Variants in RANGAP1 observed in about 807,000 individuals in gnomAD.
The protein encoded by RANGAP1 is Ran GTPase activating protein 1, also known as ran GTPase-activating protein 1.
RANGAP1 carries 38 observed loss-of-function variants against 63.5 expected under a neutral mutation model. The ratio of observed to expected loss-of-function variants is 0.60; its 90% CI spans 0.46 to 0.78. RANGAP1 has a LOEUF of 0.78. Among genes scored for constraint, RANGAP1 ranks in the 30% least tolerant of loss-of-function variants. The pLI is 0.00. For synonymous variants in RANGAP1, 329 were observed against 310.5 expected (o/e 1.06, Z -0.63); for missense variants, 630 against 740.3 (o/e 0.85, Z 1.73).
chr22:41,264,670 G>C lies in RANGAP1; in HGVS notation c.474C>G (p.Gly158=). ...AGGGGGCTGCCACACCCACCTTGCC[G>C]CCGCCAATGCCCATGCCACAGTTGT... ...KLNNCGMGIG[G]GKILAAALTE... The change falls in exon 5 of 16, where the codon GGC becomes GGG. Residue 158 remains glycine (G), a synonymous_variant. Coordinates refer to ENST00000356244, the MANE Select transcript of RANGAP1 (RefSeq NM_002883.4). 2 of 1,609,952 alleles carry C rather than the reference G, an allele frequency of 1.2e-6. No individual in the cohort carries two copies. The highest frequency in any genetic ancestry group is 1.7e-6 in the Non-Finnish European group (2 of 1,176,740).
rs143342981 is a variant in RANGAP1, at chr22:41,254,314, G to A, written c.1254C>T (p.Asn418=). ...ATPSRKILDP[N]TGEPAPVLSS... ...GCAGATGATAGAAACTCACCCCAGT[G>A]TTAGGGTCCAGAATCTTCCGTGAGG... is the stretch of plus-strand genomic sequence containing the variant. Residue 418 remains asparagine, a synonymous_variant, in exon 11 of 16, where the codon AAC becomes AAT. Coordinates refer to ENST00000356244, the MANE Select transcript of RANGAP1 (RefSeq NM_002883.4). 1.9e-6 allele frequency: 3 copies of A among 1,614,024 alleles called. No homozygotes were observed. The highest frequency in any genetic ancestry group is 2.7e-5 in the African/African-American group (2 of 74,900).
At chr22:41,294,962 C>T in the RANGAP1 span, among the ~76,000 whole-genome samples, 11 of 123,536 alleles carry the variant, frequency 8.9e-5, no homozygotes, top group African/African-American at 3.0e-4. Context: ...CCAGCCGCCC[C>T]ATCTGGGAGG....
chr22:41,260,674 C>T (rs1357826108), intron 6 of RANGAP1, among the ~76,000 whole-genome samples: 1 of 152,282 alleles, frequency 6.6e-6, no homozygotes, highest in South Asian at 2.1e-4. Flanking sequence ...TGGTAAAACC[C>T]CGTCTCTAAT....
At chr22:41,294,638 G>A in the RANGAP1 span, among the ~76,000 whole-genome samples, 3 of 144,232 alleles carry the variant, frequency 2.1e-5, no homozygotes, top group Non-Finnish European at 4.6e-5. Context: ...ATCCCATCTG[G>A]GAAGTGAGGA....
intron 1 of RANGAP1, among the ~76,000 whole-genome samples, chr22:41,284,400 T>C (rs1319962733): frequency 6.6e-6 from 1 of 151,450 alleles, no homozygotes; most frequent in Non-Finnish European, 1.5e-5. Context: ...AAACCCTGTC[T>C]CTACCAAAAA....
At chr22:41,266,503 G>T (rs2034484621) in intron 4 of RANGAP1, among the ~76,000 whole-genome samples, 1 of 152,204 alleles carries the variant, frequency 6.6e-6, no homozygotes, top group South Asian at 2.1e-4. Flanking sequence ...GTATGCAAAA[G>T]AGAGTTCTCT....
intron 6 of RANGAP1, among the ~76,000 whole-genome samples, chr22:41,260,007 A>G (rs2034071246): frequency 7.5e-6 from 1 of 132,484 alleles, no homozygotes; most frequent in Admixed American, 7.1e-5. Flanking sequence ...CCCTGCCTCA[A>G]TAAAATTTTT....
At chr22:41,266,619 C>T (rs1173211037) in intron 4 of RANGAP1, among the ~76,000 whole-genome samples, 2 of 152,212 alleles carry the variant, frequency 1.3e-5, no homozygotes, top group Non-Finnish European at 2.9e-5. Context: ...CTGCAACCTT[C>T]ACCTCCCAGG....
At chr22:41,265,460 T>A (rs2034412258) in intron 4 of RANGAP1, among the ~76,000 whole-genome samples, 1 of 152,028 alleles carries the variant, frequency 6.6e-6, no homozygotes, top group Non-Finnish European at 1.5e-5. Flanking sequence ...TGCCAGCCGG[T>A]GTGACAAGTG....
the RANGAP1 span, among the ~76,000 whole-genome samples, chr22:41,294,176 C>T: frequency 6.6e-6 from 1 of 152,216 alleles, no homozygotes; most frequent in East Asian, 1.9e-4. Context: ...CTCAGCCTGC[C>T]GAGTGCCTGC....
upstream of RANGAP1, among the ~76,000 whole-genome samples, chr22:41,286,581 T>C (rs1029586469): frequency 5.3e-5 from 8 of 152,238 alleles, no homozygotes; most frequent in African/African-American, 1.7e-4. Context: ...CTGGGTCTCT[T>C]GGGCAAGACA....
chr22:41,252,495 C>T (rs1236349365), intron 12 of RANGAP1, among the ~76,000 whole-genome samples: 1 of 152,050 alleles, frequency 6.6e-6, no homozygotes, highest in Non-Finnish European at 1.5e-5. Flanking sequence ...ACCCATCCTG[C>T]AATAGGCACG....
At chr22:41,293,558 T>A in the RANGAP1 span, among the ~76,000 whole-genome samples, 1 of 151,834 alleles carries the variant, frequency 6.6e-6, no homozygotes, top group South Asian at 2.1e-4. Flanking sequence ...GGTGGGCGGA[T>A]CACAGGTCAG....
chr22:41,276,753 G>A (rs1049184699), intron 2 of RANGAP1, among the ~76,000 whole-genome samples: 13 of 151,872 alleles, frequency 8.6e-5, no homozygotes, highest in South Asian at 4.2e-4. Flanking sequence ...CAAGGCGGGC[G>A]GATCGTGAGG....
At chr22:41,261,324 G>T (rs969416460) in intron 6 of RANGAP1, 122 bp downstream of exon 6, 1 of 1,428,882 alleles carries the variant, frequency 7.0e-7, no homozygotes, top group Non-Finnish European at 9.5e-7. Context: ...CTTGGAGAGG[G>T]CACGTGACGC....
At chr22:41,287,762 G>A (rs1193560457), upstream of RANGAP1, among the ~76,000 whole-genome samples, 1 of 151,734 alleles carries the variant, frequency 6.6e-6, no homozygotes, top group African/African-American at 2.4e-5. Context: ...CGAGGCGGGC[G>A]GATCACCTGA....
At chr22:41,271,568 C>T (rs566922696) in intron 3 of RANGAP1, among the ~76,000 whole-genome samples, 2 of 152,032 alleles carry the variant, frequency 1.3e-5, no homozygotes, top group South Asian at 4.1e-4. Context: ...GTGGCAGGCA[C>T]CCGTAGTCCC....
intron 3 of RANGAP1, among the ~76,000 whole-genome samples, chr22:41,273,233 A>C (rs1260047416): frequency 1.3e-5 from 2 of 152,194 alleles, no homozygotes; most frequent in African/African-American, 4.8e-5. Flanking sequence ...AGCCATGCAC[A>C]TATGAAGAGA....
chr22:41,298,377 C>T, the RANGAP1 span, among the ~76,000 whole-genome samples: 1 of 151,806 alleles, frequency 6.6e-6, no homozygotes, highest in Non-Finnish European at 1.5e-5. Flanking sequence ...TGCAATGGCG[C>T]GATCTCGGCT....
Sources: gnomAD v4.1 joint callset for allele counts (sites outside exome capture counted in the v4.1 genomes callset) on GRCh38, gnomAD v4.1.1 for gene constraint, MANE v1.5 for transcripts, NCBI Gene and HGNC (gene_info 2026-07-23, HGNC 2026-07-21) for gene names.